GCC2: variants seen among roughly 807,000 people sequenced by gnomAD.
The protein encoded by GCC2 is GRIP and coiled-coil domain containing 2.
Under a neutral mutation model 210.6 loss-of-function variants are expected in GCC2, and 120 were observed. The observed-to-expected ratio is 0.57, with a 90% CI of 0.49 to 0.66. The LOEUF (loss-of-function observed/expected upper bound fraction) is 0.66. GCC2 is among the 30% of genes least tolerant of loss of function. The pLI is 0.00. For missense variants in GCC2, 1,868 were observed against 1,871.9 expected (o/e 1.00, Z 0.04); for synonymous variants, 703 against 652.7 (o/e 1.08, Z -1.17).
chr2:108,461,832 T>TTTC (rs1413436307), intron 4 of GCC2, among the ~76,000 whole-genome samples: 1 of 138,636 alleles, frequency 7.2e-6, no homozygotes, highest in African/African-American at 2.8e-5. Context: ...TTTTTTTTCT[T>TTTC]TTTCTTTTTT....
intron 4 of GCC2, among the ~76,000 whole-genome samples, chr2:108,461,182 C>A (rs1239661755): frequency 6.6e-6 from 1 of 151,994 alleles, no homozygotes. Context: ...ATATATTATT[C>A]TCTTTTCTCT....
chr2:108,484,081 A>AT, intron 12 of GCC2, 68 bp from the exon 13 acceptor site: 1 of 1,045,948 alleles, frequency 9.6e-7, no homozygotes. Flanking sequence ...AATTTTACAA[A>AT]TGAAAAAAAA....
At position 108,470,711 on chromosome 2, in the gene GCC2, G is replaced by C; in HGVS notation, c.1382G>C (p.Gly461Ala). The C allele has an allele frequency of 6.2e-7, 1 of 1,612,072 alleles. No homozygotes were observed. The highest frequency in any genetic ancestry group is 1.7e-5 in the Admixed American group (1 of 59,790). ...TTAACATTAATGTTTGAAATACAGGGTCTTAAGGAACAGTGTGAAAACCTA... is the reference window on the plus strand; with the variant it reads ...TTAACATTAATGTTTGAAATACAGGCTCTTAAGGAACAGTGTGAAAACCTA... Reference protein sequence around the residue: ...EKLTLMFEIQGLKEQCENLQQ... With the variant: ...EKLTLMFEIQALKEQCENLQQ... Residue 461 changes from glycine to alanine, a missense_variant, in exon 6 of 23, where the codon GGT becomes GCT. Gly to Ala is a moderately conservative substitution (Grantham distance 60). This residue lies in a region of GCC2 where 1,847 missense variants were observed against 1,765.2 expected (regional missense o/e 1.05). Coordinates refer to ENST00000309863, the MANE Select transcript of GCC2 (RefSeq NM_181453.4).
chr2:108,449,949 TAAG>T (rs746549960), intron 2 of GCC2: 4 of 491,766 alleles, frequency 8.1e-6, no homozygotes, highest in Non-Finnish European at 1.5e-5. Flanking sequence ...TAAAGCAGTC[TAAG>T]AAGGTTTATA....
At chr2:108,462,202 A>G (rs1412250232) in intron 4 of GCC2, among the ~76,000 whole-genome samples, 1 of 143,056 alleles carries the variant, frequency 7.0e-6, no homozygotes, top group African/African-American at 2.6e-5. Context: ...ATTCAAATAA[A>G]TATTTGGAGG....
chr2:108,460,966 T>C (rs1408203750), intron 4 of GCC2, among the ~76,000 whole-genome samples: 1 of 152,212 alleles, frequency 6.6e-6, no homozygotes, highest in African/African-American at 2.4e-5. Context: ...CCTCTTTGCC[T>C]TCTGCCATGA....
Position 108,470,744 on chromosome 2 carries a change from A to G in GCC2, c.1415A>G (p.Glu472Gly), listed in dbSNP as rs1185517792. 6.2e-7 allele frequency: 1 copy of G among 1,613,268 alleles called. No individual in the cohort carries two copies. The highest frequency in any genetic ancestry group is 2.2e-5 in the East Asian group (1 of 44,886). ...LKEQCENLQQ[E>G]KQEAILNYES... ...GAACAGTGTGAAAACCTACAGCAAG[A>G]AAAGCAAGAAGCAATTTTAAATTAT... Residue 472 changes from glutamate (E) to glycine (G), a missense_variant, in exon 6 of 23, where the codon GAA (glutamate) becomes GGA (glycine). Around this residue, in one of 3 missense-constraint regions of GCC2, gnomAD observed 1,847 missense variants for 1,765.2 expected, o/e 1.05. Transcript: ENST00000309863.
chr2:108,474,044 G>A (rs1296675548), intron 7 of GCC2, among the ~76,000 whole-genome samples: 2 of 151,810 alleles, frequency 1.3e-5, no homozygotes, highest in Non-Finnish European at 2.9e-5. Flanking sequence ...TGTAGTCACA[G>A]CTACTCGGGA....
At chr2:108,506,067 C>T (rs1166350407) in intron 22 of GCC2, among the ~76,000 whole-genome samples, 1 of 152,078 alleles carries the variant, frequency 6.6e-6, no homozygotes, top group African/African-American at 2.4e-5. Flanking sequence ...AACCTATGCA[C>T]AAACCTTGTG....
chr2:108,454,185 T>A (rs1403857626), intron 4 of GCC2, among the ~76,000 whole-genome samples: 1 of 152,130 alleles, frequency 6.6e-6, no homozygotes, highest in Non-Finnish European at 1.5e-5. Context: ...AGAAACAGGG[T>A]TTCACCACGT....
At chr2:108,479,094 G>A (rs1003231157) in intron 9 of GCC2, among the ~76,000 whole-genome samples, 2 of 152,028 alleles carry the variant, frequency 1.3e-5, no homozygotes, top group African/African-American at 4.8e-5. Context: ...AACCAGGGAG[G>A]TGGAGGCTGC....
At chr2:108,488,941 A>G (rs1325852678) in intron 17 of GCC2, among the ~76,000 whole-genome samples, 3 of 152,234 alleles carry the variant, frequency 2.0e-5, no homozygotes, top group South Asian at 2.1e-4. Flanking sequence ...TTTCAAAAAT[A>G]TAAATGTCAC....
intron 22 of GCC2, among the ~76,000 whole-genome samples, chr2:108,505,316 T>A (rs369774832): frequency 1.8e-4 from 27 of 152,368 alleles, no homozygotes; most frequent in East Asian, 1.2e-3. Context: ...CAGTGCCAAG[T>A]TGTCCATCCC....
In GCC2 at chr2:108,485,900, G is replaced by C. The variant is rs1277281384; in HGVS notation, c.3784G>C (p.Val1262Leu). Residue 1262 changes from valine (V) to leucine (L), a missense_variant, in exon 15 of 23, where the codon GTC (valine) becomes CTC (leucine). Transcript: ENST00000309863. The stretch of plus-strand genomic sequence containing the variant: ...GGAGGCAAGCCAGCAGCAAGTAGAA[G>C]TCTATAAAGTAAGGGTTTTACTTTT... Reference protein sequence around the residue: ...ELEASQQQVEVYKIQLAEITS... With the variant: ...ELEASQQQVELYKIQLAEITS... 6.5e-7 allele frequency: 1 copy of C among 1,545,864 alleles called. No homozygotes were observed. The highest frequency in any genetic ancestry group is 1.4e-5 in the African/African-American group (1 of 72,468).
chr2:108,486,705 T>C lies in GCC2; in HGVS notation c.3930+57T>C, dbSNP rs1415368218. ...CTGGGATTTTATTATCAGCTAGTCA[T>C]TGGTTTACTCCAGGGCTGTGCTCTG... is the stretch of plus-strand genomic sequence containing the variant. On this transcript the variant is annotated intron_variant, in intron 16 of 22. Transcript: ENST00000309863. 2.0e-6 allele frequency: 3 copies of C among 1,527,344 alleles called. No individual in the cohort carries two copies. The African/African-American group carries it at 4.1e-5, about 21-fold the overall frequency. 94.6% of individuals were successfully genotyped at this position (1,527,344 alleles called of 1,614,324 possible).
intron 4 of GCC2, among the ~76,000 whole-genome samples, chr2:108,452,914 G>C (rs1202789648): frequency 6.6e-6 from 1 of 151,934 alleles, no homozygotes; most frequent in Non-Finnish European, 1.5e-5. Context: ...AGATGGTCTT[G>C]CTCTCTTGAC....
chr2:108,457,402 G>C (rs749587783), intron 4 of GCC2, among the ~76,000 whole-genome samples: 5 of 151,934 alleles, frequency 3.3e-5, no homozygotes, highest in Non-Finnish European at 5.9e-5. Context: ...CTCGTAATAT[G>C]TTTTGAAGTC....
chr2:108,469,841 A>C lies in GCC2; in HGVS notation c.512A>C (p.Lys171Thr). 1 of 1,613,136 alleles carries C rather than the reference A, an allele frequency of 6.2e-7. No homozygotes were observed. The highest frequency in any genetic ancestry group is 1.3e-5 in the African/African-American group (1 of 74,966). The change falls in exon 6 of 23, where the codon AAA becomes ACA. Residue 171 changes from lysine (K) to threonine (T), a missense_variant. Lys to Thr is a moderately conservative substitution (Grantham distance 78). This residue lies in a region of GCC2 where 1,847 missense variants were observed against 1,765.2 expected (regional missense o/e 1.05). Coordinates refer to ENST00000309863, the MANE Select transcript of GCC2 (RefSeq NM_181453.4). ...NTQLELSEQL[K>T]FQNNSEDNVK... ...CAATTAGAACTTTCAGAACAACTTA[A>C]ATTTCAGAACAACTCTGAAGATAAT... is the stretch of plus-strand genomic sequence containing the variant.
intron 16 of GCC2, 38 bp downstream of exon 16, chr2:108,486,686 T>A: frequency 1.9e-6 from 3 of 1,582,814 alleles, no homozygotes; most frequent in Non-Finnish European, 2.6e-6. Flanking sequence ...GCCACTGGGA[T>A]TTTATTATCA....
Sources: allele counts gnomAD v4.1 joint callset (sites outside exome capture counted in the v4.1 genomes callset), GRCh38; gene constraint gnomAD v4.1.1; regional missense constraint gnomAD v4.1.1; transcripts MANE v1.5; gene names NCBI Gene and HGNC (gene_info 2026-07-23, HGNC 2026-07-21).